Variants in DIAPH2 observed in about 807,000 individuals in gnomAD.
The protein encoded by DIAPH2 is protein diaphanous homolog 2.
DIAPH2 carries 35 observed loss-of-function variants against 92.7 expected under a neutral mutation model. The observed-to-expected ratio is 0.38, with a 90% confidence interval of 0.29 to 0.50. The LOEUF (loss-of-function observed/expected upper bound fraction) is 0.50. Ranked by LOEUF, DIAPH2 falls within the 20% of genes least tolerant of loss-of-function variation. The pLI is 0.94. For synonymous variants in DIAPH2, 301 were observed against 280.4 expected (o/e 1.07, Z -0.73); for missense variants, 701 against 819.5 (o/e 0.86, Z 1.77).
At chrX:96,885,089 C>T in intron 5 of DIAPH2, 1 of 1,199,118 alleles carries the variant, frequency 8.3e-7, no homozygotes, top group Non-Finnish European at 1.1e-6. Context: ...TTTAAGTCTG[C>T]TGATTGAGGC....
chrX:97,237,770 A>G (rs1316216688), intron 22 of DIAPH2, among the ~76,000 whole-genome samples: 1 of 109,361 alleles, frequency 9.1e-6, no homozygotes, highest in East Asian at 2.9e-4. Flanking sequence ...TTTAGTAGAG[A>G]CGGAGTTTCA....
intron 4 of DIAPH2, among the ~76,000 whole-genome samples, chrX:96,878,789 GA>G (rs1435708510): frequency 8.9e-6 from 1 of 111,760 alleles, no homozygotes; most frequent in Non-Finnish European, 1.9e-5. Flanking sequence ...CTGTGTCCAT[GA>G]GATGCCCAAT....
At chrX:96,739,943 C>T (rs1033909940) in intron 3 of DIAPH2, among the ~76,000 whole-genome samples, 2 of 112,137 alleles carry the variant, frequency 1.8e-5, no homozygotes, top group Non-Finnish European at 3.8e-5. Context: ...TTTACCCTTG[C>T]TACTCATTTT....
chrX:97,510,995 T>A (rs1296314699), intron 26 of DIAPH2, among the ~76,000 whole-genome samples: 1 of 109,375 alleles, frequency 9.1e-6, no homozygotes, highest in Non-Finnish European at 1.9e-5. Flanking sequence ...CAATGTGGGC[T>A]CTTTTTTGGT....
intron 22 of DIAPH2, among the ~76,000 whole-genome samples, chrX:97,214,558 C>T (rs1029222534): frequency 4.5e-5 from 5 of 110,595 alleles, no homozygotes; most frequent in Admixed American, 1.9e-4. Flanking sequence ...TGGCTGGGCA[C>T]GGTGGCTCAT....
intron 23 of DIAPH2, among the ~76,000 whole-genome samples, chrX:97,300,233 C>T (rs2147624531): frequency 8.9e-6 from 1 of 111,792 alleles, no homozygotes; most frequent in South Asian, 3.8e-4. Context: ...AAAAGACAGA[C>T]TTTTCCTGTA....
chrX:97,075,301 AT>A (rs1298738569), intron 19 of DIAPH2, 40 bp downstream of exon 19: 10 of 933,341 alleles, frequency 1.1e-5, no homozygotes, highest in African/African-American at 2.0e-5. Context: ...ATTTTCACAG[AT>A]TTTTTTGGAC....
At chrX:96,839,245 T>C (rs181568681) in intron 4 of DIAPH2, among the ~76,000 whole-genome samples, 1 of 111,416 alleles carries the variant, frequency 9.0e-6, no homozygotes, top group East Asian at 2.8e-4. Context: ...CTTTTATTCA[T>C]GGTCAGAAAA....
At chrX:96,793,862 A>T (rs545989944) in intron 4 of DIAPH2, among the ~76,000 whole-genome samples, 247 of 112,207 alleles carry the variant, frequency 2.2e-3, no homozygotes, top group South Asian at 0.012. Context: ...TGCACAGTAA[A>T]TAAGTGCCAT....
chrX:96,986,112 T>C (rs1403684594), intron 17 of DIAPH2, among the ~76,000 whole-genome samples: 1 of 111,797 alleles, frequency 8.9e-6, no homozygotes, highest in Non-Finnish European at 1.9e-5. Flanking sequence ...GAAATCATAC[T>C]GTGTCACTTT....
Position 97,600,691 on chromosome X carries a change from A to ATGAT in DIAPH2, c.*1381_*1384dup, listed in dbSNP as rs777474020. On this transcript the variant is annotated 3_prime_UTR_variant, in exon 27 of 27. Transcript: ENST00000324765. ...GCAATTTTAAGTCTAATTCATGCAG[A>ATGAT]TGATTGATTGTGATTATTGTAAGAA... 3.7e-4 allele frequency: 42 copies of ATGAT among 112,069 alleles called. No homozygotes were observed. Among genetic ancestry groups the ATGAT allele is most frequent in the Middle Eastern group, 9.4e-3 (2 of 213 alleles). 9.2% of individuals were successfully genotyped at this position (112,069 alleles called of 1,213,427 possible).
At chrX:97,364,423 CCTTT>C (rs1453012958) in intron 24 of DIAPH2, among the ~76,000 whole-genome samples, 2 of 111,714 alleles carry the variant, frequency 1.8e-5, no homozygotes, top group Non-Finnish European at 3.8e-5. Context: ...TTTGATTTTC[CCTTT>C]CTTTCTGGGT....
chrX:97,596,189 G>C (rs2071550119), intron 26 of DIAPH2, among the ~76,000 whole-genome samples: 1 of 111,928 alleles, frequency 8.9e-6, no homozygotes, highest in African/African-American at 3.2e-5. Flanking sequence ...TGAATTCTTA[G>C]ACCATAATGT....
chrX:96,873,940 G>A (rs949955446), intron 4 of DIAPH2, among the ~76,000 whole-genome samples: 1 of 111,496 alleles, frequency 9.0e-6, no homozygotes, highest in African/African-American at 3.3e-5. Flanking sequence ...AGTAATTGTA[G>A]TTCTTTACAA....
At chrX:97,020,992 G>A (rs2147871216) in intron 17 of DIAPH2, among the ~76,000 whole-genome samples, 1 of 111,560 alleles carries the variant, frequency 9.0e-6, no homozygotes, top group South Asian at 3.8e-4. Flanking sequence ...ATCACCTACT[G>A]ACAAATATTA....
intron 4 of DIAPH2, among the ~76,000 whole-genome samples, chrX:96,772,855 T>C (rs1422645230): frequency 8.9e-6 from 1 of 112,922 alleles, no homozygotes; most frequent in Non-Finnish European, 1.9e-5. Context: ...TAACTGCTTG[T>C]GCAATGTAAC....
intron 23 of DIAPH2, among the ~76,000 whole-genome samples, chrX:97,279,753 A>G (rs1030553049): frequency 1.8e-5 from 2 of 111,626 alleles, no homozygotes; most frequent in Non-Finnish European, 3.8e-5. Context: ...ATTTATGTCT[A>G]TAATAGCATG....
intron 10 of DIAPH2, among the ~76,000 whole-genome samples, chrX:96,936,420 C>T (rs1031583032): frequency 5.4e-5 from 6 of 111,587 alleles, no homozygotes; most frequent in Non-Finnish European, 1.1e-4. Context: ...TCGGTATCAC[C>T]CTTGAGCATC....
chrX:96,964,229 T>C (rs186892314), intron 16 of DIAPH2, among the ~76,000 whole-genome samples: 9 of 111,632 alleles, frequency 8.1e-5, no homozygotes, highest in African/African-American at 2.9e-4. Flanking sequence ...TTCAATCTTA[T>C]GCATATATTT....
Sources: allele counts gnomAD v4.1 joint callset (sites outside exome capture counted in the v4.1 genomes callset), GRCh38; gene constraint gnomAD v4.1.1; transcripts MANE v1.5; gene names NCBI Gene and HGNC (gene_info 2026-07-23, HGNC 2026-07-21).